CELF2: variants seen among roughly 807,000 people sequenced by gnomAD.
The protein encoded by CELF2 is CUG triplet repeat RNA-binding protein 2.
In CELF2, 8 loss-of-function variants were observed where a neutral mutation model predicts 62.6. The observed-to-expected ratio is 0.13, with a 90% CI of 0.07 to 0.23. The LOEUF (loss-of-function observed/expected upper bound fraction) is 0.23, where lower values mean the gene tolerates loss of function less well. CELF2 is among the 10% of genes least tolerant of loss of function. The pLI, the probability that CELF2 is intolerant of heterozygous loss-of-function variation, is 1.00. For missense variants in CELF2, 333 were observed against 671.0 expected (o/e 0.50, Z 5.56); for synonymous variants, 258 against 250.0 (o/e 1.03, Z -0.30).
chr10:10,702,392 T>G, the CELF2 span, among the ~76,000 whole-genome samples: 1 of 152,228 alleles, frequency 6.6e-6, no homozygotes, highest in Non-Finnish European at 1.5e-5. Context: ...CTTTGAAATT[T>G]AACCTTGCTA....
intron 1 of CELF2, among the ~76,000 whole-genome samples, chr10:11,065,674 A>G (rs2067922653): frequency 6.6e-6 from 1 of 150,406 alleles, no homozygotes; most frequent in Non-Finnish European, 1.5e-5. Context: ...TTTATGGAGC[A>G]TCAGTGAACA....
the CELF2 span, among the ~76,000 whole-genome samples, chr10:10,572,765 G>A: frequency 6.6e-6 from 1 of 152,098 alleles, no homozygotes; most frequent in Non-Finnish European, 1.5e-5. Context: ...CATCGATGAT[G>A]GGCATTTGGG....
At chr10:11,126,010 A>C (rs1227775602) in intron 1 of CELF2, among the ~76,000 whole-genome samples, 2 of 152,164 alleles carry the variant, frequency 1.3e-5, no homozygotes, top group Non-Finnish European at 2.9e-5. Flanking sequence ...CCCATCACTC[A>C]GAATAAGGTC....
intron 2 of CELF2, among the ~76,000 whole-genome samples, chr10:11,197,038 A>G (rs1220062358): frequency 2.9e-4 from 13 of 44,456 alleles, no homozygotes; most frequent in African/African-American, 2.0e-3. Flanking sequence ...AGAAAGAAAG[A>G]AAGAAAGAAA....
At chr10:10,657,155 A>G in the CELF2 span, among the ~76,000 whole-genome samples, 1 of 152,174 alleles carries the variant, frequency 6.6e-6, no homozygotes, top group Non-Finnish European at 1.5e-5. Context: ...AGTCAGACAC[A>G]AAAGGCCAAA....
At chr10:10,964,272 A>G (rs1463601957) in intron 2 of CELF2, among the ~76,000 whole-genome samples, 2 of 152,174 alleles carry the variant, frequency 1.3e-5, no homozygotes, top group Non-Finnish European at 2.9e-5. Context: ...GAATTCGATC[A>G]TGCTTCTAAA....
At chr10:10,472,111 G>A in the CELF2 span, among the ~76,000 whole-genome samples, 158 of 151,840 alleles carry the variant, frequency 1.0e-3, 1 homozygote, top group Admixed American at 2.7e-3. Flanking sequence ...CATTCATTAA[G>A]TTTTCTGAAT....
chr10:10,489,194 T>TA, the CELF2 span, among the ~76,000 whole-genome samples: 25 of 152,052 alleles, frequency 1.6e-4, no homozygotes, highest in African/African-American at 6.0e-4. Flanking sequence ...CAGAACTTAA[T>TA]ACTGAAGGAT....
At chr10:11,134,775 G>A (rs771995806) in intron 1 of CELF2, among the ~76,000 whole-genome samples, 28 of 152,144 alleles carry the variant, frequency 1.8e-4, no homozygotes, top group African/African-American at 9.7e-5. Flanking sequence ...AGGAACACCC[G>A]GGAACCTACC....
intron 1 of CELF2, among the ~76,000 whole-genome samples, chr10:10,823,098 T>A (rs1321466747): frequency 6.6e-6 from 1 of 152,224 alleles, no homozygotes; most frequent in African/African-American, 2.4e-5. Context: ...AAATGGCATA[T>A]GTAATTTAAT....
At chr10:11,174,520 G>GAT (rs1379909702) in intron 2 of CELF2, among the ~76,000 whole-genome samples, 1 of 152,214 alleles carries the variant, frequency 6.6e-6, no homozygotes, top group Non-Finnish European at 1.5e-5. Flanking sequence ...TCTGGACAGT[G>GAT]ATCAGTTTGA....
the CELF2 span, among the ~76,000 whole-genome samples, chr10:10,686,171 G>A: frequency 6.6e-6 from 1 of 152,128 alleles, no homozygotes; most frequent in Non-Finnish European, 1.5e-5. Flanking sequence ...ATAAAATTGG[G>A]AGAGTGTTGA....
At chr10:11,212,616 C>T (rs1169974285) in intron 2 of CELF2, among the ~76,000 whole-genome samples, 2 of 152,160 alleles carry the variant, frequency 1.3e-5, no homozygotes, top group African/African-American at 4.8e-5. Context: ...CTGGGCTCAC[C>T]TCTCCCGAGT....
rs1047055995 is a variant in CELF2 at position 11,306,746 on chromosome 10, C to A, written c.977-7393C>A. 7.2e-5 allele frequency among the ~76,000 whole-genome samples: 11 copies of A among 152,114 alleles called. No homozygotes were observed. The highest frequency in any genetic ancestry group is 2.4e-4 in the African/African-American group (10 of 41,404). On this transcript the variant is annotated intron_variant, in intron 9 of 12. Transcript: ENST00000633077. This position sits in a 1 kb window ranked among gnomAD's most constrained non-coding sequence, Gnocchi z 4.4. Reference sequence around the variant, plus strand: ...AGTCTCATGCTTGATTCTTCTCCCTCCTTTTCTTCACCGTCTCCCCAACTT... The same window carrying A: ...AGTCTCATGCTTGATTCTTCTCCCTACTTTTCTTCACCGTCTCCCCAACTT...
the CELF2 span, among the ~76,000 whole-genome samples, chr10:10,536,129 A>C: frequency 6.6e-5 from 10 of 150,382 alleles, no homozygotes; most frequent in East Asian, 9.9e-4. Context: ...AAGCGATTCT[A>C]CTGCCTCAGC....
intron 1 of CELF2, among the ~76,000 whole-genome samples, chr10:11,077,505 C>T (rs1235116703): frequency 2.6e-5 from 4 of 152,134 alleles, no homozygotes; most frequent in Non-Finnish European, 2.9e-5. Flanking sequence ...TGTTGGCGTT[C>T]GAAACTTCTG....
intron 2 of CELF2, among the ~76,000 whole-genome samples, chr10:11,180,328 C>G (rs887749441): frequency 6.6e-6 from 1 of 152,174 alleles, no homozygotes; most frequent in Admixed American, 6.5e-5. Context: ...GACTGCGTGC[C>G]TCTCCGGATC....
At chr10:11,079,179 A>G (rs1194571832) in intron 1 of CELF2, among the ~76,000 whole-genome samples, 1 of 152,316 alleles carries the variant, frequency 6.6e-6, no homozygotes, top group South Asian at 2.1e-4. Flanking sequence ...ACTTACTGAG[A>G]GTGACAAGAG....
intron 7 of CELF2, among the ~76,000 whole-genome samples, chr10:11,274,654 G>C (rs889495961): frequency 2.6e-5 from 4 of 152,184 alleles, no homozygotes; most frequent in African/African-American, 9.7e-5. Context: ...ATGTGCTTCT[G>C]ATGAAAGATG....
Sources: gnomAD v4.1 joint callset for allele counts (sites outside exome capture counted in the v4.1 genomes callset) on GRCh38, gnomAD v4.1.1 for gene constraint, Gnocchi (gnomAD v3.1) non-coding constraint, MANE v1.5 for transcripts, NCBI Gene and HGNC (gene_info 2026-07-23, HGNC 2026-07-21) for gene names.